NECAB3: variants seen among roughly 807,000 people sequenced by gnomAD.
NECAB3 encodes the protein N-terminal EF-hand calcium-binding protein 3.
A neutral mutation model predicts 57.2 loss-of-function variants in NECAB3; 38 were observed. The observed-to-expected ratio is 0.66, with a 90% CI of 0.51 to 0.87. The LOEUF (loss-of-function observed/expected upper bound fraction) is 0.87, where lower values mean the gene tolerates loss of function less well. NECAB3 is among the 40% of genes least tolerant of loss of function. NECAB3 has a pLI of 0.00. For synonymous variants in NECAB3, 223 were observed against 222.6 expected (o/e 1.00, Z -0.02); for missense variants, 474 against 527.5 (o/e 0.90, Z 0.99).
At chr20:33,668,912 C>T (rs905270335) in intron 5 of NECAB3, among the ~76,000 whole-genome samples, 4 of 152,236 alleles carry the variant, frequency 2.6e-5, no homozygotes, top group African/African-American at 9.6e-5. Context: ...TCCACACAAA[C>T]GCGTGGGTGT....
At position 33,659,575 on chromosome 20, in the gene NECAB3, G is replaced by C; in HGVS notation, c.801C>G (p.Pro267=). The change falls in exon 8 of 12, where the codon CCC becomes CCG. Residue 267 remains proline, a synonymous_variant. Transcript: ENST00000246190. The stretch of plus-strand genomic sequence containing the variant: ...CCTGTGAGGGCACAGAGTGTGGGCC[G>C]GGCCTCCAGCATGGGCCTGGCTCTG... The part of the protein sequence containing the change: ...YPPEPGPCWR[P]GPHSVPSQAP... 1 of 1,593,364 alleles carries C rather than the reference G, an allele frequency of 6.3e-7. No homozygotes were observed. The highest frequency in any genetic ancestry group is 8.6e-7 in the Non-Finnish European group (1 of 1,168,852).
upstream of NECAB3, chr20:33,674,450 C>T: frequency 1.0e-6 from 1 of 1,003,202 alleles, no homozygotes; most frequent in African/African-American, 1.7e-5. Context: ...GCGCCGGCGC[C>T]GACGCGCGGG....
At position 33,658,839 on chromosome 20, in the gene NECAB3, T is replaced by C. The variant is rs2017366552; in HGVS notation, c.880-5A>G. 1 of 1,611,176 alleles carries C rather than the reference T, an allele frequency of 6.2e-7. No homozygotes were observed. The highest frequency in any genetic ancestry group is 1.1e-5 in the South Asian group (1 of 90,942). ...CCTCTGGGCCATGAGGATGTGCTGG[T>C]GGGAGAGGCAGCCGGTCAGCTGGTG... On this transcript the variant is annotated splice_polypyrimidine_tract_variant and splice_region_variant and intron_variant, in intron 8 of 11. Transcript: ENST00000246190.
intron 5 of NECAB3, among the ~76,000 whole-genome samples, chr20:33,665,784 G>A (rs1478956240): frequency 2.6e-5 from 4 of 152,170 alleles, no homozygotes; most frequent in Non-Finnish European, 5.9e-5. Context: ...CAGTGAGTCA[G>A]CTTCAGAACT....
At chr20:33,668,253 G>T in intron 5 of NECAB3, 2 of 1,559,882 alleles carry the variant, frequency 1.3e-6, no homozygotes, top group South Asian at 1.2e-5. Context: ...TGGACTGGGG[G>T]GGGTGGCACT....
At chr20:33,672,330 C>A (rs749927808) in intron 2 of NECAB3, 68 bp downstream of exon 2, 25 of 1,595,642 alleles carry the variant, frequency 1.6e-5, no homozygotes, top group Admixed American at 5.0e-5. Context: ...AACCTCCCAA[C>A]TCTCCCTGGG....
rs1053180169 is a variant in NECAB3 at position 33,660,068 on chromosome 20, G to C, written c.525-65C>G. 6.5e-7 allele frequency: 1 copy of C among 1,532,760 alleles called. No homozygotes were observed. The highest frequency in any genetic ancestry group is 8.8e-7 in the Non-Finnish European group (1 of 1,139,644). The allele number at this position is 1,532,760 out of a possible 1,614,324, so 94.9% of individuals were successfully genotyped here. ...CCAGGACGGGATAAGCCTGGGTGGG[G>C]AAGACAAGCCTCCTGGGACTCCGAG... On this transcript the variant is annotated intron_variant, in intron 6 of 11. Transcript: ENST00000246190. This position sits in a 1 kb window ranked among gnomAD's most constrained non-coding sequence, Gnocchi z 4.1.
chr20:33,662,511 T>TG (rs918617506), intron 5 of NECAB3: 8 of 1,543,232 alleles, frequency 5.2e-6, no homozygotes, highest in South Asian at 1.2e-5. Context: ...GGGAGGCAGC[T>TG]GGGGGGCAGA....
chr20:33,658,162 C>A, intron 10 of NECAB3, 129 bp from the exon 11 acceptor site: 1 of 815,910 alleles, frequency 1.2e-6, no homozygotes, highest in Admixed American at 2.5e-5. Flanking sequence ...CACGGGGAAG[C>A]TGTGTGGGTG....
intron 3 of NECAB3, among the ~76,000 whole-genome samples, chr20:33,669,919 C>T (rs924410496): frequency 6.6e-6 from 1 of 152,168 alleles, no homozygotes; most frequent in Non-Finnish European, 1.5e-5. Flanking sequence ...ACTCTAAGGG[C>T]AAAGATTCAG....
chr20:33,669,774 CA>C, intron 3 of NECAB3, 62 bp from the exon 4 acceptor site: 2 of 1,486,644 alleles, frequency 1.3e-6, no homozygotes, highest in Non-Finnish European at 1.8e-6. Flanking sequence ...CTAATGGGGC[CA>C]ATGCCCCACA....
At chr20:33,667,263 A>C in intron 5 of NECAB3, 1 of 441,272 alleles carries the variant, frequency 2.3e-6, no homozygotes, top group Non-Finnish European at 3.8e-6. Context: ...TGCTGCCCGG[A>C]GCGCCGGGCT....
chr20:33,671,889 C>T (rs1468945401), intron 2 of NECAB3: 1 of 161,912 alleles, frequency 6.2e-6, no homozygotes, highest in African/African-American at 2.4e-5. Context: ...GTTACTGAGC[C>T]CTCTAAAAAC....
chr20:33,657,876 G>C lies in NECAB3; in HGVS notation c.1163-19C>G. ...CAGGAGGCTGGGGGTCAGAGGCAGG[G>C]GGTCAGGAGCCCTCAGGAGCCCACT... On this transcript the variant is annotated intron_variant, in intron 11 of 11. Coordinates refer to ENST00000246190, the MANE Select transcript of NECAB3 (RefSeq NM_031232.4). 1 of 1,545,142 alleles carries C rather than the reference G, an allele frequency of 6.5e-7. No individual in the cohort carries two copies. The highest frequency in any genetic ancestry group is 8.7e-7 in the Non-Finnish European group (1 of 1,143,098).
intron 4 of NECAB3, 85 bp from the exon 5 acceptor site, chr20:33,669,557 C>A: frequency 6.4e-7 from 1 of 1,557,834 alleles, no homozygotes; most frequent in Non-Finnish European, 8.8e-7. Flanking sequence ...AATTCCTCAG[C>A]AGCCAAGCAG....
chr20:33,660,462 G>A lies in NECAB3; in HGVS notation c.388-67C>T, dbSNP rs2122464114. On this transcript the variant is annotated intron_variant, in intron 5 of 11. Transcript: ENST00000246190. The surrounding 1 kb of genome is among the most constrained non-coding windows in gnomAD (Gnocchi z 4.1). ...CACTGATCTCTTGAGTGGGTCCCCT[G>A]CCTCTTGCCCATCAGAGCAGCGGTG... The A allele has an allele frequency of 1.9e-6, 3 of 1,581,650 alleles. No homozygotes were observed. In the East Asian group the frequency reaches 6.8e-5, roughly 36 times the overall value.
rs1305498169 is a variant in NECAB3, at chr20:33,667,920, C to T, written c.387+1455G>A. On this transcript the variant is annotated intron_variant, in intron 5 of 11. Transcript: ENST00000246190. ...TGGGCCAGGCTGAGCAGGGGCTGCC[C>T]GCGCTGGCCTTCCGGGCGCTGCAGA... 3.2e-6 allele frequency: 5 copies of T among 1,566,428 alleles called. No homozygotes were observed. The African/African-American group carries it at 5.4e-5, about 17-fold the overall frequency.
In NECAB3 at chr20:33,660,597, C is replaced by T. The variant is rs923759619; in HGVS notation, c.388-202G>A. Among the ~76,000 whole-genome samples, 5 of 152,154 alleles carry T rather than the reference C, an allele frequency of 3.3e-5. No homozygotes were observed. Among genetic ancestry groups the T allele is most frequent in the African/African-American group, 1.2e-4 (5 of 41,452 alleles). On this transcript the variant is annotated intron_variant, in intron 5 of 11. Coordinates refer to ENST00000246190, the MANE Select transcript of NECAB3 (RefSeq NM_031232.4). The surrounding 1 kb of genome is among the most constrained non-coding windows in gnomAD (Gnocchi z 4.1). ...CTTGTCCGGGACTGGCCTCCCTCCC[C>T]GGAGGTGTGAGGCCAACTCACAGGG...
chr20:33,670,815 G>A, intron 2 of NECAB3, 23 bp from the exon 3 acceptor site: 6 of 1,581,964 alleles, frequency 3.8e-6, no homozygotes, highest in Non-Finnish European at 4.3e-6. Context: ...GGGGAGGACA[G>A]GGAGCAGAGG....
Sources: allele counts gnomAD v4.1 joint callset (sites outside exome capture counted in the v4.1 genomes callset), GRCh38; gene constraint gnomAD v4.1.1; non-coding constraint Gnocchi (gnomAD v3.1); transcripts MANE v1.5; gene names NCBI Gene and HGNC (gene_info 2026-07-23, HGNC 2026-07-21).